Variants in LTBP1 observed in about 807,000 individuals in gnomAD.
LTBP1 encodes latent transforming growth factor beta binding protein 1.
In LTBP1, 129 loss-of-function variants were observed where a neutral mutation model predicts 207.6. That is an observed-to-expected ratio of 0.62 (90% confidence interval 0.54 to 0.72). LTBP1 has a LOEUF of 0.72. LTBP1 is among the 30% of genes least tolerant of loss of function. The pLI is 0.00. For synonymous variants in LTBP1, 963 were observed against 833.7 expected, an observed-to-expected ratio of 1.16 and a Z score of -2.67; for missense variants, 2,281 against 2,217.2, an observed-to-expected ratio of 1.03 and a Z score of -0.58.
At chr2:33,089,472 T>G (rs1005676457) in intron 3 of LTBP1, among the ~76,000 whole-genome samples, 1 of 152,156 alleles carries the variant, frequency 6.6e-6, no homozygotes, top group Non-Finnish European at 1.5e-5. Context: ...CCTACTGGCA[T>G]CTAGTGGGCA....
intron 9 of LTBP1, among the ~76,000 whole-genome samples, chr2:33,232,159 A>G (rs1052287739): frequency 6.6e-6 from 1 of 152,196 alleles, no homozygotes; most frequent in African/African-American, 2.4e-5. Flanking sequence ...CTGAAGGCAG[A>G]TCAGGGTGAC....
intron 4 of LTBP1, among the ~76,000 whole-genome samples, chr2:33,112,864 TAGTC>T (rs1558652401): frequency 2.0e-5 from 3 of 152,214 alleles, no homozygotes; most frequent in Admixed American, 6.5e-5. Flanking sequence ...AAGGAACAGT[TAGTC>T]AGAGAAGTCT....
At chr2:33,302,925 C>T (rs954256878) in intron 22 of LTBP1, among the ~76,000 whole-genome samples, 3 of 149,448 alleles carry the variant, frequency 2.0e-5, no homozygotes, top group Admixed American at 6.7e-5. Context: ...ATTAGCTGGG[C>T]GTGGTGGCGC....
At chr2:33,294,203 G>A (rs1186220851) in intron 20 of LTBP1, among the ~76,000 whole-genome samples, 1 of 150,004 alleles carries the variant, frequency 6.7e-6, no homozygotes, top group Non-Finnish European at 1.5e-5. Flanking sequence ...TCTTTGTTTT[G>A]GGTGTTTTTT....
At chr2:33,007,615 T>C (rs1288398217) in intron 2 of LTBP1, among the ~76,000 whole-genome samples, 1 of 152,246 alleles carries the variant, frequency 6.6e-6, no homozygotes, top group Non-Finnish European at 1.5e-5. Flanking sequence ...CATATTGTGC[T>C]TGACTCATTG....
At chr2:33,369,455 T>C (rs1411083104) in intron 31 of LTBP1, among the ~76,000 whole-genome samples, 1 of 152,228 alleles carries the variant, frequency 6.6e-6, no homozygotes, top group Non-Finnish European at 1.5e-5. Context: ...CTTAGGCTCT[T>C]GAGGCCCCTG....
intron 3 of LTBP1, among the ~76,000 whole-genome samples, chr2:33,067,228 G>C (rs1011455609): frequency 1.3e-5 from 2 of 152,182 alleles, no homozygotes; most frequent in Non-Finnish European, 2.9e-5. Flanking sequence ...TACTATTGAA[G>C]ACTGAGTGGC....
chr2:33,382,074 CTTTTTTTTTTTTTTTTTTTT>C (rs70938398), intron 31 of LTBP1, among the ~76,000 whole-genome samples: 2,975 of 46,752 alleles, frequency 0.064, 77 homozygotes, highest in East Asian at 0.32. Flanking sequence ...CCTACTGCTT[CTTTTTTTTTTTTTTTTTTTT>C]TTTTTTTTTT....
At chr2:33,109,222 T>A (rs1431988025) in intron 3 of LTBP1, among the ~76,000 whole-genome samples, 1 of 152,224 alleles carries the variant, frequency 6.6e-6, no homozygotes, top group Non-Finnish European at 1.5e-5. Flanking sequence ...TTTTACTGCT[T>A]TTGATATGAG....
chr2:33,364,761 G>A (rs557623398), intron 30 of LTBP1, among the ~76,000 whole-genome samples: 5 of 152,182 alleles, frequency 3.3e-5, no homozygotes, highest in South Asian at 2.1e-4. Flanking sequence ...GGAGAGCCCC[G>A]AAGTCCACTG....
chr2:33,293,340 G>GAGC, intron 20 of LTBP1, 58 bp downstream of exon 20: 1 of 1,522,160 alleles, frequency 6.6e-7, no homozygotes, highest in South Asian at 1.3e-5. Flanking sequence ...ATATAGATTA[G>GAGC]AGCAATTAGC....
At chr2:33,243,572 A>C (rs867901006) in intron 9 of LTBP1, 90 bp from the exon 10 acceptor site, 1 of 1,179,322 alleles carries the variant, frequency 8.5e-7, no homozygotes. Context: ...AAAGATTACT[A>C]TAGTGAAAAA....
At chr2:33,151,661 T>C (rs1274077598) in intron 5 of LTBP1, among the ~76,000 whole-genome samples, 2 of 152,318 alleles carry the variant, frequency 1.3e-5, no homozygotes, top group South Asian at 2.1e-4. Context: ...ATTATTCTTA[T>C]GCCTTTGTGT....
chr2:33,028,095 C>T (rs1006422455), intron 3 of LTBP1, among the ~76,000 whole-genome samples: 1 of 151,972 alleles, frequency 6.6e-6, no homozygotes, highest in African/African-American at 2.4e-5. Context: ...AGACTGAGTT[C>T]GGAAGAAGAG....
chr2:33,104,134 A>T (rs961189144), intron 3 of LTBP1, among the ~76,000 whole-genome samples: 1 of 152,150 alleles, frequency 6.6e-6, no homozygotes, highest in African/African-American at 2.4e-5. Context: ...TGGATTTAGT[A>T]GAAATATGGA....
intron 4 of LTBP1, among the ~76,000 whole-genome samples, chr2:33,122,413 C>T (rs564348029): frequency 6.6e-6 from 1 of 152,134 alleles, no homozygotes; most frequent in African/African-American, 2.4e-5. Context: ...TATGGGTGAC[C>T]TCACCTTCTG....
chr2:33,054,140 T>G (rs146097028), intron 3 of LTBP1, among the ~76,000 whole-genome samples: 124 of 152,242 alleles, frequency 8.1e-4, no homozygotes, highest in East Asian at 2.9e-3. Context: ...GACCAGGGTA[T>G]AGGGGTTGGG....
intron 4 of LTBP1, among the ~76,000 whole-genome samples, chr2:33,127,476 C>T (rs1478610709): frequency 6.6e-6 from 1 of 152,124 alleles, no homozygotes; most frequent in Non-Finnish European, 1.5e-5. Context: ...GTCCATCTTC[C>T]CATGGATTCT....
intron 9 of LTBP1, among the ~76,000 whole-genome samples, chr2:33,242,531 C>T (rs2092364192): frequency 6.6e-6 from 1 of 151,918 alleles, no homozygotes; most frequent in South Asian, 2.1e-4. Flanking sequence ...TTCTTCCTGC[C>T]TTCTTTCTTC....
Sources: allele counts gnomAD v4.1 joint callset (sites outside exome capture counted in the v4.1 genomes callset), GRCh38; gene constraint gnomAD v4.1.1; transcripts MANE v1.5; gene names NCBI Gene and HGNC (gene_info 2026-07-23, HGNC 2026-07-21).